The following WWP2 variants were observed in gnomAD, a reference collection of about 807,000 sequenced individuals.
WWP2 encodes the protein NEDD4-like E3 ubiquitin-protein ligase WWP2.
Under a neutral mutation model 121.0 loss-of-function variants are expected in WWP2, and 57 were observed. The observed-to-expected ratio is 0.47, with a 90% CI of 0.38 to 0.59. The LOEUF (loss-of-function observed/expected upper bound fraction) is 0.59, where lower values mean the gene tolerates loss of function less well. Among genes scored for constraint, WWP2 ranks in the 20% least tolerant of loss-of-function variants. WWP2 has a pLI of 0.00. For synonymous variants in WWP2, 449 were observed against 441.3 expected (o/e 1.02, Z -0.22); for missense variants, 962 against 1,158.9 (o/e 0.83, Z 2.47).
chr16:69,879,452 G>T (rs2057787431), intron 7 of WWP2, among the ~76,000 whole-genome samples: 1 of 151,464 alleles, frequency 6.6e-6, no homozygotes, highest in Non-Finnish European at 1.5e-5. Flanking sequence ...TCTTATTCTA[G>T]ATACCTCATA....
intron 22 of WWP2, 35 bp from the exon 23 acceptor site, chr16:69,939,306 C>G: frequency 1.2e-6 from 2 of 1,612,792 alleles, no homozygotes; most frequent in South Asian, 1.1e-5. Context: ...AGGGACGTCT[C>G]TGCTGACGTC....
At chr16:69,821,210 A>G (rs1431334796) in intron 4 of WWP2, among the ~76,000 whole-genome samples, 1 of 152,168 alleles carries the variant, frequency 6.6e-6, no homozygotes, top group East Asian at 1.9e-4. Flanking sequence ...CCCAGGCCAG[A>G]ACCTCAAGGA....
chr16:69,880,895 G>C (rs2057816327), intron 7 of WWP2, among the ~76,000 whole-genome samples: 1 of 152,188 alleles, frequency 6.6e-6, no homozygotes, highest in Non-Finnish European at 1.5e-5. Context: ...ACGAGTCTGT[G>C]ATACACCACA....
intron 1 of WWP2, among the ~76,000 whole-genome samples, chr16:69,767,495 C>T (rs1040690460): frequency 3.9e-5 from 6 of 152,104 alleles, no homozygotes; most frequent in African/African-American, 7.2e-5. Context: ...TGCTTTTGAG[C>T]GACTTTGAGT....
chr16:69,816,458 A>C (rs2151838285), intron 4 of WWP2, among the ~76,000 whole-genome samples: 1 of 148,090 alleles, frequency 6.8e-6, no homozygotes, highest in East Asian at 1.9e-4. Context: ...TCTATATAAT[A>C]TATATAAATA....
intron 4 of WWP2, among the ~76,000 whole-genome samples, chr16:69,834,353 G>A (rs1457461471): frequency 2.0e-5 from 3 of 152,006 alleles, no homozygotes; most frequent in African/African-American, 7.2e-5. Context: ...AGATACCCAC[G>A]TGACTTCCCC....
chr16:69,936,470 G>C lies in WWP2; in HGVS notation c.2117+18G>C, dbSNP rs780927392. 2.5e-6 allele frequency: 4 copies of C among 1,613,618 alleles called. No homozygotes were observed. In the East Asian group the frequency reaches 8.9e-5, roughly 36 times the overall value. On this transcript the variant is annotated intron_variant, in intron 19 of 23. Coordinates refer to ENST00000359154, the MANE Select transcript of WWP2 (RefSeq NM_001270454.2). ...TACATCATGTGAGTCTCAGGCGCCG[G>C]GGGCTCCGCTCCAGGGGTGGCGTGG...
chr16:69,898,894 G>A (rs2058152413), intron 8 of WWP2, among the ~76,000 whole-genome samples: 1 of 152,060 alleles, frequency 6.6e-6, no homozygotes, highest in African/African-American at 2.4e-5. Flanking sequence ...AGTAGAGACG[G>A]GAATTCACCA....
chr16:69,849,847 A>G (rs902451624), intron 6 of WWP2, among the ~76,000 whole-genome samples: 2 of 79,356 alleles, frequency 2.5e-5, no homozygotes, highest in African/African-American at 2.2e-4. Flanking sequence ...ACACTCATTT[A>G]TACATTGGTT....
chr16:69,784,041 C>CTTTTAGGG (rs1413384725), intron 1 of WWP2, among the ~76,000 whole-genome samples: 1 of 147,336 alleles, frequency 6.8e-6, no homozygotes, highest in East Asian at 2.0e-4. Flanking sequence ...CTCCCAGACT[C>CTTTTAGGG]TTTTAGGGTT....
intron 6 of WWP2, among the ~76,000 whole-genome samples, chr16:69,866,277 TA>T (rs2057521890): frequency 1.3e-4 from 2 of 15,492 alleles, no homozygotes; most frequent in African/African-American, 1.3e-3. Context: ...ACATTTTATT[TA>T]TTTATTTATT....
intron 9 of WWP2, among the ~76,000 whole-genome samples, chr16:69,912,295 A>G (rs1006317537): frequency 4.6e-5 from 7 of 151,674 alleles, no homozygotes; most frequent in Non-Finnish European, 1.0e-4. Context: ...CCATCTCAAA[A>G]AAAAACAAAA....
chr16:69,839,583 A>G (rs976844629), intron 4 of WWP2, among the ~76,000 whole-genome samples: 3 of 152,168 alleles, frequency 2.0e-5, no homozygotes, highest in Non-Finnish European at 4.4e-5. Flanking sequence ...CCTGTATTGA[A>G]GTTTCATTGT....
Position 69,846,049 on chromosome 16 carries a change from CAAAA to C in WWP2, c.575+3947_575+3950del, listed in dbSNP as rs57201672. Among the ~76,000 whole-genome samples, 20 of 45,596 alleles carry C rather than the reference CAAAA, an allele frequency of 4.4e-4. 1 individual carries two copies. In the South Asian group the frequency reaches 0.01, roughly 23 times the overall value. The allele number at this position is 45,596 out of a possible 152,430, so 29.9% of individuals were successfully genotyped here. ...TGGGTGACAGAGCCAGACTCCATCTCAAAAAAAAAAAAAAAAAAAAAGAATACTT... is the reference window on the plus strand; with the variant it reads ...TGGGTGACAGAGCCAGACTCCATCTCAAAAAAAAAAAAAAAAAGAATACTT... On this transcript the variant is annotated intron_variant, in intron 6 of 23. Transcript: ENST00000359154.
rs920243660 is a variant in WWP2 at position 69,833,002 on chromosome 16, C to G, written c.341-7124C>G. Reference sequence around the variant, plus strand: ...CCATGAAGGTGGGACCGCAGGTGCACGCCACCACGTCCAACTAATTATTTT... The same window carrying G: ...CCATGAAGGTGGGACCGCAGGTGCAGGCCACCACGTCCAACTAATTATTTT... On this transcript the variant is annotated intron_variant, in intron 4 of 23. Transcript: ENST00000359154. 3.9e-5 allele frequency among the ~76,000 whole-genome samples: 6 copies of G among 152,084 alleles called. 1 individual carries two copies. The South Asian group carries it at 1.2e-3, about 32-fold the overall frequency.
chr16:69,780,207 G>T (rs2055634659), intron 1 of WWP2, among the ~76,000 whole-genome samples: 1 of 149,188 alleles, frequency 6.7e-6, no homozygotes, highest in Non-Finnish European at 1.5e-5. Context: ...GTTGTTTTGT[G>T]TAAGTTCAAG....
chr16:69,805,009 G>A (rs892524237), intron 4 of WWP2, among the ~76,000 whole-genome samples: 2 of 150,076 alleles, frequency 1.3e-5, no homozygotes, highest in Non-Finnish European at 3.0e-5. Context: ...TTTAGTATAG[G>A]TTTGCAGTAG....
intron 13 of WWP2, 41 bp downstream of exon 13, chr16:69,930,299 G>A (rs1216393165): frequency 2.5e-6 from 4 of 1,605,488 alleles, no homozygotes; most frequent in Non-Finnish European, 1.7e-6. Context: ...CAGGAGCCGA[G>A]GCCCAGGCTG....
At chr16:69,854,597 C>A (rs1415623065) in intron 6 of WWP2, among the ~76,000 whole-genome samples, 1 of 151,916 alleles carries the variant, frequency 6.6e-6, no homozygotes, top group Admixed American at 6.6e-5. Context: ...GTCGCCCAGG[C>A]TGGAGTGCAG....
Sources: gnomAD v4.1 joint callset for allele counts (sites outside exome capture counted in the v4.1 genomes callset) on GRCh38, gnomAD v4.1.1 for gene constraint, MANE v1.5 for transcripts, NCBI Gene and HGNC (gene_info 2026-07-23, HGNC 2026-07-21) for gene names.